AQP9: variants seen among roughly 807,000 people sequenced by gnomAD.
AQP9 encodes aquaporin 9.
Under a neutral mutation model 23.8 loss-of-function variants are expected in AQP9, and 19 were observed. The ratio of observed to expected loss-of-function variants is 0.80; its 90% confidence interval spans 0.56 to 1.17. The LOEUF is 1.17. Ranked by LOEUF, AQP9 falls within the 50% of genes most tolerant of loss-of-function variation. The probability of loss-of-function intolerance (pLI) is 0.00; values close to 1 mark genes in which losing one functional copy is unlikely to be tolerated. For missense variants in AQP9, 413 were observed against 362.0 expected (o/e 1.14, Z -1.14); for synonymous variants, 153 against 131.5 (o/e 1.16, Z -1.12).
At chr15:58,156,138 AG>A (rs1441042772) in intron 1 of AQP9, 7 of 152,104 alleles carry the variant, frequency 4.6e-5, no homozygotes, top group African/African-American at 1.7e-4. Context: ...AGGACAACTC[AG>A]GGAAAAAGCA....
intron 4 of AQP9, among the ~76,000 whole-genome samples, chr15:58,177,939 C>T (rs1395591369): frequency 6.6e-6 from 1 of 152,174 alleles, no homozygotes; most frequent in African/African-American, 2.4e-5. Flanking sequence ...ATGAATTCTG[C>T]ATCCATGGAT....
chr15:58,179,071 G>C (rs1898820551), intron 4 of AQP9, 57 bp from the exon 5 acceptor site: 2 of 1,227,728 alleles, frequency 1.6e-6, no homozygotes, highest in Non-Finnish European at 2.4e-6. Flanking sequence ...ATGATTTTGA[G>C]ACATGCAGGT....
intron 1 of AQP9, among the ~76,000 whole-genome samples, chr15:58,148,106 C>T (rs1197333838): frequency 6.6e-6 from 1 of 152,154 alleles, no homozygotes; most frequent in Non-Finnish European, 1.5e-5. Context: ...CCTTCCTCCC[C>T]ATGAGAGAGC....
chr15:58,175,753 A>C (rs1898738994), intron 4 of AQP9, among the ~76,000 whole-genome samples: 1 of 152,204 alleles, frequency 6.6e-6, no homozygotes, highest in Admixed American at 6.6e-5. Context: ...GCAGATCAGA[A>C]TGGGCATGTG....
intron 1 of AQP9, among the ~76,000 whole-genome samples, chr15:58,141,964 C>A (rs1441789608): frequency 1.3e-5 from 2 of 152,154 alleles, no homozygotes. Flanking sequence ...CAATTTTGGT[C>A]TAGTACATTA....
chr15:58,153,771 A>G (rs532999863), intron 1 of AQP9: 25 of 152,200 alleles, frequency 1.6e-4, no homozygotes, highest in African/African-American at 6.0e-4. Flanking sequence ...AGACCTCATT[A>G]TTGAAACTGC....
intron 2 of AQP9, among the ~76,000 whole-genome samples, chr15:58,170,667 T>G (rs926407934): frequency 6.6e-6 from 1 of 152,162 alleles, no homozygotes; most frequent in South Asian, 2.1e-4. Context: ...CCTCCCAAAG[T>G]GCTGAGATTA....
At chr15:58,176,595 A>G (rs1286722516) in intron 4 of AQP9, among the ~76,000 whole-genome samples, 3 of 146,726 alleles carry the variant, frequency 2.0e-5, no homozygotes, top group Admixed American at 1.4e-4. Context: ...AATTTTGGTT[A>G]TTTTGGTGTT....
intron 1 of AQP9, among the ~76,000 whole-genome samples, chr15:58,140,656 G>A (rs1456054607): frequency 6.6e-6 from 1 of 152,148 alleles, no homozygotes; most frequent in African/African-American, 2.4e-5. Flanking sequence ...TGTGCATTTT[G>A]CCTTGTATTT....
rs57080327 is a variant in AQP9 at position 58,170,413 on chromosome 15, CT to C, written c.239-2643del. 2.5e-3 allele frequency among the ~76,000 whole-genome samples: 359 copies of C among 144,780 alleles called. 1 individual carries two copies. Among genetic ancestry groups the C allele is most frequent in the Middle Eastern group, 3.5e-3 (1 of 284 alleles). 95.0% of individuals were successfully genotyped at this position (144,780 alleles called of 152,430 possible). A position where few individuals can be genotyped will look rare whatever the true frequency, so the allele number is the denominator to read the frequency against. ...GGCCTCAGATTATTTCTTCAACTTT[CT>C]TTTTTTTTTTTAATGGAGTCTTGCT... is the stretch of plus-strand genomic sequence containing the variant. On this transcript the variant is annotated intron_variant, in intron 2 of 5. Coordinates refer to ENST00000219919, the MANE Select transcript of AQP9 (RefSeq NM_020980.5).
chr15:58,167,994 G>A (rs191569080), intron 2 of AQP9, among the ~76,000 whole-genome samples: 26 of 151,980 alleles, frequency 1.7e-4, no homozygotes, highest in African/African-American at 6.0e-4. Flanking sequence ...CAAAGTGCTG[G>A]GATTACAAGT....
chr15:58,168,267 G>A (rs948607035), intron 2 of AQP9, among the ~76,000 whole-genome samples: 3 of 151,966 alleles, frequency 2.0e-5, no homozygotes, highest in Non-Finnish European at 2.9e-5. Context: ...CTGGACTCAA[G>A]TGATCCACTT....
Position 58,172,363 on chromosome 15 carries a change from G to GA in AQP9, c.239-704dup, listed in dbSNP as rs143186868. Among the ~76,000 whole-genome samples the GA allele has an allele frequency of 9.0e-3, 1,378 of 152,330 alleles. 23 individuals carry two copies. Among genetic ancestry groups the GA allele is most frequent in the African/African-American group, 0.032 (1,327 of 41,588 alleles). ...CTAGCAAAGCCAGCTGGGGATGTTAGAGACCAACCACAGAGCAAACTCTCT... is the reference window on the plus strand; with the variant it reads ...CTAGCAAAGCCAGCTGGGGATGTTAGAAGACCAACCACAGAGCAAACTCTCT... On this transcript the variant is annotated intron_variant, in intron 2 of 5. Coordinates refer to ENST00000219919, the MANE Select transcript of AQP9 (RefSeq NM_020980.5).
intron 1 of AQP9, among the ~76,000 whole-genome samples, chr15:58,162,878 C>G (rs1251857334): frequency 1.3e-5 from 2 of 152,168 alleles, no homozygotes; most frequent in African/African-American, 4.8e-5. Flanking sequence ...GACGTGCCAC[C>G]CCAAACCCTG....
chr15:58,149,689 G>C (rs1266353655), intron 1 of AQP9, among the ~76,000 whole-genome samples: 1 of 152,222 alleles, frequency 6.6e-6, no homozygotes, highest in Non-Finnish European at 1.5e-5. Flanking sequence ...GAGTAGGATG[G>C]ATGGGGGACT....
Position 58,138,634 on chromosome 15 carries a change from G to A in AQP9, c.69G>A (p.Ala23=), listed in dbSNP as rs370186994. ...KQRLVLKSSL[A]KETLSEFLGT... is the part of the protein sequence containing the mutation. ...GACTGGTCTTGAAGAGCAGCTTAGC[G>A]AAAGAAACCCTCTCTGAGTTCTTGG... is the stretch of plus-strand genomic sequence containing the variant. The change falls in exon 1 of 6, where the codon GCG becomes GCA. Residue 23 remains alanine (A), a synonymous_variant. Transcript: ENST00000219919. 36 of 1,613,746 alleles carry A rather than the reference G, an allele frequency of 2.2e-5. No individual in the cohort carries two copies. The highest frequency in any genetic ancestry group is 1.6e-4 in the Middle Eastern group (1 of 6,080).
chr15:58,180,968 C>T (rs1406449386), intron 5 of AQP9, among the ~76,000 whole-genome samples: 1 of 152,150 alleles, frequency 6.6e-6, no homozygotes, highest in Admixed American at 6.5e-5. Context: ...TCTCCTTATT[C>T]CCAGAGCCCA....
At chr15:58,147,476 T>G (rs1166904264) in intron 1 of AQP9, among the ~76,000 whole-genome samples, 1 of 152,156 alleles carries the variant, frequency 6.6e-6, no homozygotes, top group Admixed American at 6.5e-5. Context: ...GATTGCTGAG[T>G]TCACTGAAAC....
In AQP9 at chr15:58,179,154, A is replaced by G. The variant is rs1898823474; in HGVS notation, c.522A>G (p.Ile174Met). 1.9e-6 allele frequency: 3 copies of G among 1,613,452 alleles called. No individual in the cohort carries two copies. In the East Asian group the frequency reaches 6.7e-5, roughly 36 times the overall value. Reference sequence around the variant, plus strand: ...TGGTGGCCACCATGATACTCCTCATAATCGTCTTTGCCATCTTTGACTCCA... The same window carrying G: ...TGGTGGCCACCATGATACTCCTCATGATCGTCTTTGCCATCTTTGACTCCA... ...DQVVATMILL[I>M]IVFAIFDSRN... The change falls in exon 5 of 6, where the codon ATA becomes ATG. Residue 174 changes from isoleucine (I) to methionine (M), a missense_variant. By Grantham distance (10) the Ile-to-Met change is conservative. Transcript: ENST00000219919.
Sources: gnomAD v4.1 joint callset for allele counts (sites outside exome capture counted in the v4.1 genomes callset) on GRCh38, gnomAD v4.1.1 for gene constraint, MANE v1.5 for transcripts, NCBI Gene and HGNC (gene_info 2026-07-23, HGNC 2026-07-21) for gene names.